NCOR1: variants seen among roughly 807,000 people sequenced by gnomAD.
The protein encoded by NCOR1 is nuclear receptor corepressor 1.
Under a neutral mutation model 288.1 loss-of-function variants are expected in NCOR1, and 63 were observed. The ratio of observed to expected loss-of-function variants is 0.22; its 90% CI spans 0.18 to 0.27. The LOEUF (loss-of-function observed/expected upper bound fraction) is 0.27. Among genes scored for constraint, NCOR1 ranks in the 10% least tolerant of loss-of-function variants. The pLI is 1.00. For synonymous variants in NCOR1, 1,007 were observed against 1,065.9 expected, an observed-to-expected ratio of 0.94 and a Z score of 1.08; for missense variants, 2,397 against 3,019.2, an observed-to-expected ratio of 0.79 and a Z score of 4.83.
chr17:16,183,230 C>CAAAAAAAAAAAAAAAAAA (rs59665102), intron 3 of NCOR1, among the ~76,000 whole-genome samples: 13 of 64,000 alleles, frequency 2.0e-4, no homozygotes, highest in African/African-American at 2.8e-4. Flanking sequence ...AGCAATCAAA[C>CAAAAAAAAAAAAAAAAAA]AAAAAAAAAA....
intron 13 of NCOR1, chr17:16,137,808 C>T (rs993937424): frequency 3.7e-5 from 9 of 241,076 alleles, no homozygotes; most frequent in Non-Finnish European, 7.0e-5. Context: ...GTCATCCTTG[C>T]GCAGAGGCCA....
intron 11 of NCOR1, among the ~76,000 whole-genome samples, chr17:16,142,972 T>C (rs746647186): frequency 2.2e-4 from 33 of 152,206 alleles, no homozygotes; most frequent in Non-Finnish European, 4.0e-4. Flanking sequence ...TGTTCATAGA[T>C]GAATCTCCTC....
chr17:16,040,641 T>C, intron 42 of NCOR1, 147 bp from the exon 43 acceptor site: 1 of 792,596 alleles, frequency 1.3e-6, no homozygotes, highest in Non-Finnish European at 2.0e-6. Context: ...GAAGATAAAA[T>C]GGAAGTATTT....
intron 14 of NCOR1, among the ~76,000 whole-genome samples, chr17:16,136,760 T>C (rs951094510): frequency 7.4e-6 from 1 of 134,458 alleles, no homozygotes; most frequent in African/African-American, 3.0e-5. Context: ...TGAGCCAAGA[T>C]AGCACCACTG....
chr17:16,048,995 T>G lies in NCOR1; in HGVS notation c.6393-7A>C. On this transcript the variant is annotated splice_region_variant and splice_polypyrimidine_tract_variant and intron_variant, in intron 40 of 45. Transcript: ENST00000268712. ...TGGGGATTTTCCAGGCCTACTATTG[T>G]AATATGTGAAATATTAGATTGTGTT... 16 of 1,600,500 alleles carry G rather than the reference T, an allele frequency of 1.0e-5. No homozygotes were observed. The highest frequency in any genetic ancestry group is 1.3e-5 in the African/African-American group (1 of 74,690).
chr17:16,118,485 C>G (rs1179688368), intron 17 of NCOR1, among the ~76,000 whole-genome samples: 1 of 152,132 alleles, frequency 6.6e-6, no homozygotes, highest in Non-Finnish European at 1.5e-5. Flanking sequence ...CACAATCAAG[C>G]AATGCCATCA....
chr17:16,069,625 C>T (rs551558399), intron 31 of NCOR1, among the ~76,000 whole-genome samples: 3 of 152,276 alleles, frequency 2.0e-5, no homozygotes, highest in South Asian at 4.1e-4. Flanking sequence ...TCGAGCCCTT[C>T]GTAAATACTC....
In NCOR1 at chr17:16,166,877, G is replaced by A. The variant is rs369049891; in HGVS notation, c.436-1716C>T. On this transcript the variant is annotated intron_variant, in intron 4 of 45. Transcript: ENST00000268712. ...AAATTCACTAAACCAGCTACTACTC[G>A]CACTAAATGAAAACTAAATGCAGAA... Among the ~76,000 whole-genome samples the A allele has an allele frequency of 4.2e-3, 643 of 151,910 alleles. 7 individuals carry two copies. The highest frequency in any genetic ancestry group is 0.015 in the African/African-American group (604 of 41,386).
chr17:16,037,653 C>A (rs1371211871), intron 44 of NCOR1, among the ~76,000 whole-genome samples: 3 of 152,174 alleles, frequency 2.0e-5, no homozygotes, highest in Admixed American at 6.5e-5. Flanking sequence ...CCTTTCCCAA[C>A]TGGAATTAAT....
At chr17:16,056,504 C>T (rs968141829) in intron 40 of NCOR1, among the ~76,000 whole-genome samples, 3 of 151,418 alleles carry the variant, frequency 2.0e-5, no homozygotes, top group African/African-American at 4.9e-5. Flanking sequence ...TTTGTAGAGA[C>T]GGGGTTTCAC....
intron 14 of NCOR1, among the ~76,000 whole-genome samples, chr17:16,134,800 A>G (rs1599179044): frequency 6.6e-6 from 1 of 152,356 alleles, no homozygotes; most frequent in Middle Eastern, 3.4e-3. Context: ...TTAAACAGTA[A>G]CATATATAAT....
intron 8 of NCOR1, 72 bp downstream of exon 8, chr17:16,151,874 G>T: frequency 8.7e-7 from 1 of 1,147,272 alleles, no homozygotes; most frequent in Non-Finnish European, 1.3e-6. Context: ...AATGTCAGCA[G>T]ATAACAAAAA....
chr17:16,048,210 G>A (rs1217576105), intron 41 of NCOR1, among the ~76,000 whole-genome samples: 1 of 152,216 alleles, frequency 6.6e-6, no homozygotes, highest in Non-Finnish European at 1.5e-5. Context: ...GGACAGAAAG[G>A]AATTCAGGGA....
Position 16,039,432 on chromosome 17 carries a change from C to T in NCOR1, c.6955+1G>A, listed in dbSNP as rs1348274305. The T allele has an allele frequency of 6.2e-7, 1 of 1,612,998 alleles. No homozygotes were observed. Among genetic ancestry groups the T allele is most frequent in the Non-Finnish European group, 8.5e-7 (1 of 1,179,508 alleles). On this transcript the variant is annotated splice_donor_variant, in intron 44 of 45. Coordinates refer to ENST00000268712, the MANE Select transcript of NCOR1 (RefSeq NM_006311.4). LOFTEE classifies it high-confidence loss of function. ...GAAAAGCACTAAAATGAAAGCTGTACCTGAATGAGGTGATGGGTCCCCTTC... is the reference window on the plus strand; with the variant it reads ...GAAAAGCACTAAAATGAAAGCTGTATCTGAATGAGGTGATGGGTCCCCTTC...
At chr17:16,058,364 AAAAC>A in intron 38 of NCOR1, 103 bp downstream of exon 38, 3 of 1,415,356 alleles carry the variant, frequency 2.1e-6, no homozygotes, top group Non-Finnish European at 2.8e-6. Context: ...AGATTACCCT[AAAAC>A]AAACAAAACA....
intron 5 of NCOR1, among the ~76,000 whole-genome samples, chr17:16,164,097 T>C (rs1184838595): frequency 6.6e-6 from 1 of 151,972 alleles, no homozygotes; most frequent in African/African-American, 2.4e-5. Flanking sequence ...TATGAATACA[T>C]TAAAAGCACT....
intron 28 of NCOR1, among the ~76,000 whole-genome samples, 181 bp downstream of exon 28, chr17:16,073,242 TATATAC>T (rs1033115776): frequency 1.1e-4 from 16 of 152,200 alleles, no homozygotes; most frequent in African/African-American, 3.6e-4. Flanking sequence ...TGTGCCACTT[TATATAC>T]AGATATAAAC....
intron 2 of NCOR1, 64 bp from the exon 3 acceptor site, chr17:16,186,751 G>T: frequency 6.6e-7 from 1 of 1,526,002 alleles, no homozygotes. Flanking sequence ...TGAAATCAAA[G>T]CAAGTATAAA....
chr17:16,205,345 G>C (rs1478300138), intron 1 of NCOR1, among the ~76,000 whole-genome samples: 2 of 152,250 alleles, frequency 1.3e-5, no homozygotes, highest in South Asian at 4.1e-4. Flanking sequence ...ACACATGGCC[G>C]GGCTCAGTGA....
Sources: allele counts gnomAD v4.1 joint callset (sites outside exome capture counted in the v4.1 genomes callset), GRCh38; gene constraint gnomAD v4.1.1; transcripts MANE v1.5; gene names NCBI Gene and HGNC (gene_info 2026-07-23, HGNC 2026-07-21).